Variants in GLCCI1 observed in about 807,000 individuals in gnomAD.
GLCCI1 encodes glucocorticoid-induced transcript 1 protein.
In GLCCI1, 24 loss-of-function variants were observed where a neutral mutation model predicts 52.2. That is an observed-to-expected ratio of 0.46 (90% CI 0.33 to 0.65). The LOEUF (loss-of-function observed/expected upper bound fraction) is 0.65. Ranked by LOEUF, GLCCI1 falls within the 30% of genes least tolerant of loss-of-function variation. The pLI is 0.02. For missense variants in GLCCI1, 704 were observed against 701.5 expected (o/e 1.00, Z -0.04); for synonymous variants, 310 against 276.5 (o/e 1.12, Z -1.20).
At position 8,088,240 on chromosome 7, in the gene GLCCI1, TTG is replaced by T. The variant is rs58360790; in HGVS notation, c.*1732_*1733del. ...AGAAATGATATATATATGTATATGT[TTG>T]TGTGTGTGTGTGTGTGTGTGTGTGT... On this transcript the variant is annotated 3_prime_UTR_variant, in exon 8 of 8. Coordinates refer to ENST00000223145, the MANE Select transcript of GLCCI1 (RefSeq NM_138426.4). 0.03 allele frequency: 4,456 copies of T among 147,350 alleles called. 118 individuals are homozygous for T. The highest frequency in any genetic ancestry group is 0.072 in the African/African-American group (2,877 of 39,840). 9.1% of individuals were successfully genotyped at this position (147,350 alleles called of 1,614,324 possible). A position where few individuals can be genotyped will look rare whatever the true frequency, so the allele number is the denominator to read the frequency against.
chr7:8,032,332 A>G (rs915502557), intron 3 of GLCCI1, among the ~76,000 whole-genome samples: 64 of 152,166 alleles, frequency 4.2e-4, no homozygotes, highest in African/African-American at 1.5e-3. Flanking sequence ...CATTAATTAC[A>G]TAAGTTTCCA....
intron 1 of GLCCI1, among the ~76,000 whole-genome samples, chr7:7,995,840 T>C (rs1197620971): frequency 1.3e-5 from 2 of 152,020 alleles, no homozygotes; most frequent in African/African-American, 2.4e-5. Context: ...ACATGGCACA[T>C]GTATACATAT....
At chr7:8,062,342 A>T (rs1286046163) in intron 5 of GLCCI1, among the ~76,000 whole-genome samples, 1 of 152,246 alleles carries the variant, frequency 6.6e-6, no homozygotes, top group Admixed American at 6.5e-5. Context: ...TTAACCAGAC[A>T]ATTTGTTCAC....
At chr7:8,005,782 GT>G (rs558127110) in intron 2 of GLCCI1, among the ~76,000 whole-genome samples, 1 of 147,894 alleles carries the variant, frequency 6.8e-6, no homozygotes. Flanking sequence ...ACATTATCTA[GT>G]TTTTTTTTTG....
chr7:8,051,213 G>T (rs1432667044), intron 3 of GLCCI1, among the ~76,000 whole-genome samples: 2 of 152,214 alleles, frequency 1.3e-5, no homozygotes, highest in African/African-American at 4.8e-5. Context: ...AAGAGGGTGT[G>T]TTCTAATGTC....
intron 3 of GLCCI1, among the ~76,000 whole-genome samples, chr7:8,051,785 T>C (rs1361666562): frequency 2.0e-5 from 3 of 152,246 alleles, no homozygotes; most frequent in African/African-American, 7.2e-5. Flanking sequence ...TTTGGCTAAG[T>C]ACCTGTTCAA....
At chr7:7,982,367 T>C (rs757675437) in intron 1 of GLCCI1, 4 of 167,740 alleles carry the variant, frequency 2.4e-5, no homozygotes, top group Non-Finnish European at 5.1e-5. Context: ...TTTAGATTAT[T>C]AATACTGATT....
At chr7:8,025,433 C>A (rs1437403699) in intron 3 of GLCCI1, among the ~76,000 whole-genome samples, 1 of 151,882 alleles carries the variant, frequency 6.6e-6, no homozygotes, top group Non-Finnish European at 1.5e-5. Context: ...AGGGCAATAA[C>A]TAAATATAAA....
At chr7:7,995,361 T>C (rs1003702568) in intron 1 of GLCCI1, among the ~76,000 whole-genome samples, 3 of 151,970 alleles carry the variant, frequency 2.0e-5, no homozygotes, top group African/African-American at 7.3e-5. Context: ...AATACAAAAA[T>C]TAGCTGGGCG....
At chr7:8,070,712 G>A in intron 5 of GLCCI1, 1 of 525,686 alleles carries the variant, frequency 1.9e-6, no homozygotes, top group South Asian at 2.2e-5. Context: ...GAATTTTTAA[G>A]GCAAACAATT....
At chr7:7,974,765 GTTC>G (rs779039748) in intron 1 of GLCCI1, among the ~76,000 whole-genome samples, 4 of 152,106 alleles carry the variant, frequency 2.6e-5, no homozygotes, top group Non-Finnish European at 5.9e-5. Flanking sequence ...TAATGACTTA[GTTC>G]TTCTTAATTT....
chr7:7,980,687 A>G (rs1443130175), intron 1 of GLCCI1: 1 of 754,280 alleles, frequency 1.3e-6, no homozygotes, highest in Non-Finnish European at 2.3e-6. Context: ...TCCATGGTGA[A>G]TAATGACAGT....
intron 3 of GLCCI1, among the ~76,000 whole-genome samples, chr7:8,025,033 C>G (rs1205381039): frequency 6.6e-6 from 1 of 152,112 alleles, no homozygotes; most frequent in Non-Finnish European, 1.5e-5. Flanking sequence ...AGACTGTAGT[C>G]CAATTTGGGG....
chr7:8,085,489 A>T (rs75384838), intron 7 of GLCCI1, among the ~76,000 whole-genome samples: 1 of 152,236 alleles, frequency 6.6e-6, no homozygotes, highest in Non-Finnish European at 1.5e-5. Context: ...TAAGTTAGAA[A>T]TGAAATTAGA....
chr7:8,074,360 T>C lies in GLCCI1; in HGVS notation c.1177+3229T>C, dbSNP rs146198559. ...TTCAAACTGTAGGCTAGTTTCTGAC[T>C]CATTTCTTCTTTATGTAAGGCCCAA... On this transcript the variant is annotated intron_variant, in intron 6 of 7. Transcript: ENST00000223145. Among the ~76,000 whole-genome samples the C allele has an allele frequency of 4.1e-3, 632 of 152,290 alleles. 9 individuals carry two copies. The highest frequency in any genetic ancestry group is 0.014 in the African/African-American group (597 of 41,552).
At chr7:8,008,751 G>T (rs1411340952) in intron 2 of GLCCI1, among the ~76,000 whole-genome samples, 1 of 152,134 alleles carries the variant, frequency 6.6e-6, no homozygotes, top group Non-Finnish European at 1.5e-5. Context: ...GTTTAGAGAT[G>T]AAGTATACTG....
chr7:8,049,123 T>A (rs1663317667), intron 3 of GLCCI1, among the ~76,000 whole-genome samples: 1 of 152,196 alleles, frequency 6.6e-6, no homozygotes, highest in South Asian at 2.1e-4. Context: ...ATTAGTACGT[T>A]ATATTTTTTT....
At chr7:8,081,787 CAT>C (rs1360637891) in intron 6 of GLCCI1, among the ~76,000 whole-genome samples, 1 of 152,114 alleles carries the variant, frequency 6.6e-6, no homozygotes, top group East Asian at 1.9e-4. Flanking sequence ...GGTACAGATG[CAT>C]ATGTGTGATC....
chr7:8,034,337 AAGAGT>A (rs924874045), intron 3 of GLCCI1, among the ~76,000 whole-genome samples: 2 of 152,166 alleles, frequency 1.3e-5, no homozygotes, highest in African/African-American at 4.8e-5. Context: ...ATACAATCTC[AAGAGT>A]AAAAGCCCTA....
Sources: gnomAD v4.1 joint callset for allele counts (sites outside exome capture counted in the v4.1 genomes callset) on GRCh38, gnomAD v4.1.1 for gene constraint, MANE v1.5 for transcripts, NCBI Gene and HGNC (gene_info 2026-07-23, HGNC 2026-07-21) for gene names.